PCNT: variants seen among roughly 807,000 people sequenced by gnomAD.
PCNT encodes the protein pericentrin, also known as kendrin.
A neutral mutation model predicts 380.4 loss-of-function variants in PCNT; 319 were observed. The ratio of observed to expected loss-of-function variants is 0.84; its 90% CI spans 0.77 to 0.92. The LOEUF is 0.92. Ranked by LOEUF, PCNT falls within the 40% of genes least tolerant of loss-of-function variation. The probability of loss-of-function intolerance (pLI) is 0.00; values close to 1 mark genes in which losing one functional copy is unlikely to be tolerated. For synonymous variants in PCNT, 1,845 were observed against 1,735.2 expected (o/e 1.06, Z -1.57); for missense variants, 4,400 against 4,255.3 (o/e 1.03, Z -0.95).
rs567887945 is a variant in PCNT at position 46,372,292 on chromosome 21, A to G, written c.3165+5153A>G. Among the ~76,000 whole-genome samples the G allele has an allele frequency of 2.8e-5, 4 of 144,634 alleles. No individual in the cohort carries two copies. In the South Asian group the frequency reaches 6.3e-4, roughly 23 times the overall value. The allele number at this position is 144,634 out of a possible 152,430, so 94.9% of individuals were successfully genotyped here. The stretch of plus-strand genomic sequence containing the variant: ...TAGCACATGCATGCACACAGCACAT[A>G]CACATAGCAGATGTGCACACAGCAC... On this transcript the variant is annotated intron_variant, in intron 15 of 46. Transcript: ENST00000359568.
At chr21:46,352,949 G>A (rs1377715577) in intron 9 of PCNT, among the ~76,000 whole-genome samples, 155 bp from the exon 10 acceptor site, 10 of 152,224 alleles carry the variant, frequency 6.6e-5, no homozygotes, top group Non-Finnish European at 1.2e-4. Flanking sequence ...GCGTACGAGA[G>A]TCTAAGCCGT....
chr21:46,328,812 C>T (rs2083469951), intron 2 of PCNT, among the ~76,000 whole-genome samples: 1 of 144,836 alleles, frequency 6.9e-6, no homozygotes, highest in Non-Finnish European at 1.5e-5. Flanking sequence ...CTCACTCTGT[C>T]ATCCAGGCTG....
At chr21:46,423,091 G>A (rs1282778976) in intron 32 of PCNT, among the ~76,000 whole-genome samples, 3 of 151,942 alleles carry the variant, frequency 2.0e-5, no homozygotes, top group Non-Finnish European at 2.9e-5. Flanking sequence ...TGTCAGAACT[G>A]AGTCAGTTAA....
At chr21:46,368,686 A>T (rs904287554) in intron 15 of PCNT, among the ~76,000 whole-genome samples, 1 of 152,224 alleles carries the variant, frequency 6.6e-6, no homozygotes, top group Non-Finnish European at 1.5e-5. Flanking sequence ...TCTGTTGAGC[A>T]TGTGGAGCCA....
At position 46,334,736 on chromosome 21, in the gene PCNT, C is replaced by T. The variant is rs1458113272; in HGVS notation, c.607C>T (p.His203Tyr). The change falls in exon 3 of 47, where the codon CAC becomes TAC. Residue 203 changes from histidine (H) to tyrosine (Y), a missense_variant. His to Tyr is a moderately conservative substitution (Grantham distance 83, BLOSUM62 2). Transcript: ENST00000359568. ...EQRGIFTISD[H>Y]PAEQRGMFTK... ...GCGTGGGATCTTCACAATCAGTGAC[C>T]ACCCAGCAGAACAGCGTGGGATGTT... is the stretch of plus-strand genomic sequence containing the variant. The T allele has an allele frequency of 3.1e-6, 5 of 1,614,002 alleles. No individual in the cohort carries two copies. The highest frequency in any genetic ancestry group is 2.7e-5 in the African/African-American group (2 of 75,062).
At chr21:46,328,483 T>G (rs1359000499) in intron 2 of PCNT, among the ~76,000 whole-genome samples, 2 of 151,724 alleles carry the variant, frequency 1.3e-5, no homozygotes, top group Non-Finnish European at 2.9e-5. Flanking sequence ...TTTTTTGAAA[T>G]GGAGTCTCAC....
intron 3 of PCNT, among the ~76,000 whole-genome samples, chr21:46,339,965 T>C (rs957100974): frequency 3.3e-5 from 5 of 152,124 alleles, no homozygotes; most frequent in African/African-American, 1.2e-4. Context: ...CTCCATTAAG[T>C]TTTAGAGTTC....
At position 46,324,271 on chromosome 21, in the gene PCNT, G is replaced by A; in HGVS notation, c.43G>A (p.Gly15Arg). The change falls in exon 1 of 47, where the codon GGG becomes AGG. Residue 15 changes from glycine (G) to arginine (R), a missense_variant. Coordinates refer to ENST00000359568, the MANE Select transcript of PCNT (RefSeq NM_006031.6). ...GCAGCGGCGCAGAAAGGTGGAGGCCGGGAGGACGAAGGTAAACATTAGGGG... is the reference window on the plus strand; with the variant it reads ...GCAGCGGCGCAGAAAGGTGGAGGCCAGGAGGACGAAGGTAAACATTAGGGG... ...QEQRRRKVEA[G>R]RTKLAHFRQR... 6.2e-7 allele frequency: 1 copy of A among 1,611,336 alleles called. No homozygotes were observed. Among genetic ancestry groups the A allele is most frequent in the Admixed American group, 1.7e-5 (1 of 59,736 alleles).
At chr21:46,405,423 A>G (rs2086593918) in intron 27 of PCNT, among the ~76,000 whole-genome samples, 1 of 152,122 alleles carries the variant, frequency 6.6e-6, no homozygotes, top group Non-Finnish European at 1.5e-5. Context: ...TATGGCCAGG[A>G]GCGGTGGCTC....
intron 25 of PCNT, among the ~76,000 whole-genome samples, chr21:46,400,962 G>A (rs2086406204): frequency 6.6e-6 from 1 of 152,186 alleles, no homozygotes; most frequent in Non-Finnish European, 1.5e-5. Context: ...CCCCTGGCCG[G>A]CCACTGCACA....
rs578148816 is a variant in PCNT at position 46,424,517 on chromosome 21, C to T, written c.7180-1314C>T. 4.6e-5 allele frequency among the ~76,000 whole-genome samples: 7 copies of T among 152,378 alleles called. No individual in the cohort carries two copies. The South Asian group carries it at 8.3e-4, about 18-fold the overall frequency. On this transcript the variant is annotated intron_variant, in intron 32 of 46. Coordinates refer to ENST00000359568, the MANE Select transcript of PCNT (RefSeq NM_006031.6). ...CCTGCAAGGGCCCCGTGTCACCTGG[C>T]GGGAAGCTGTGGCCCAGGGCCTCTG...
Position 46,391,480 on chromosome 21 carries a change from A to G in PCNT, c.4216+104A>G. Reference sequence around the variant, plus strand: ...GACACTCAGTGTCTCTAGAGGGTCAAGTGTAAACCAGCACGCAGCTTCTCC... The same window carrying G: ...GACACTCAGTGTCTCTAGAGGGTCAGGTGTAAACCAGCACGCAGCTTCTCC... On this transcript the variant is annotated intron_variant, in intron 21 of 46. Transcript: ENST00000359568. 1.1e-5 allele frequency: 10 copies of G among 914,666 alleles called. No homozygotes were observed. The South Asian group carries it at 1.7e-4, about 15-fold the overall frequency. The allele number at this position is 914,666 out of a possible 1,614,324, so 56.7% of individuals were successfully genotyped here. A position where few individuals can be genotyped will look rare whatever the true frequency, so the allele number is the denominator to read the frequency against.
Position 46,436,983 on chromosome 21 carries a change from G to A in PCNT, c.9001G>A (p.Val3001Ile). Residue 3001 changes from valine to isoleucine, a missense_variant, in exon 40 of 47, where the codon GTT becomes ATT. Physicochemically the swap from Val to Ile is conservative, Grantham distance 29. Coordinates refer to ENST00000359568, the MANE Select transcript of PCNT (RefSeq NM_006031.6). ...SFTSQAVDRT[V>I]NDWTSSNEKA... ...AGTGCCCATTTATTTTTACAGGACAGTTAATGATTGGACGTCATCCAATGA... is the reference window on the plus strand; with the variant it reads ...AGTGCCCATTTATTTTTACAGGACAATTAATGATTGGACGTCATCCAATGA... 1.9e-6 allele frequency: 3 copies of A among 1,612,394 alleles called. No individual in the cohort carries two copies. Among genetic ancestry groups the A allele is most frequent in the Non-Finnish European group, 2.5e-6 (3 of 1,178,388 alleles).
rs559407331 is a variant in PCNT, at chr21:46,371,782, G to A, written c.3165+4643G>A. On this transcript the variant is annotated intron_variant, in intron 15 of 46. Transcript: ENST00000359568. ...CTGCTGGTCTGCATGATGAGCACACGCACACACAGCACATGTGCACACACA... is the reference window on the plus strand; with the variant it reads ...CTGCTGGTCTGCATGATGAGCACACACACACACAGCACATGTGCACACACA... 1.2e-3 allele frequency among the ~76,000 whole-genome samples: 179 copies of A among 151,986 alleles called. 1 individual carries two copies. Among genetic ancestry groups the A allele is most frequent in the Admixed American group, 2.4e-3 (36 of 15,256 alleles).
intron 13 of PCNT, among the ~76,000 whole-genome samples, chr21:46,359,873 C>CT (rs1378125816): frequency 1.7e-4 from 23 of 135,552 alleles, no homozygotes; most frequent in African/African-American, 4.6e-4. Flanking sequence ...TTTTTTTTTT[C>CT]TTTTTTTTTG....
At chr21:46,436,808 C>T (rs576503339) in intron 39 of PCNT, among the ~76,000 whole-genome samples, 171 bp from the exon 40 acceptor site, 4 of 152,324 alleles carry the variant, frequency 2.6e-5, no homozygotes, top group Admixed American at 2.6e-4. Context: ...CAGCCACAGG[C>T]CTGTTGCCCC....
rs1569312659 is a variant in PCNT, at chr21:46,441,145, C to T, written c.9623+61C>T. The T allele has an allele frequency of 8.6e-6, 9 of 1,040,570 alleles. No individual in the cohort carries two copies. The South Asian group carries it at 1.1e-4, about 13-fold the overall frequency. 64.5% of individuals were successfully genotyped at this position (1,040,570 alleles called of 1,614,324 possible). A position where few individuals can be genotyped will look rare whatever the true frequency, so the allele number is the denominator to read the frequency against. On this transcript the variant is annotated intron_variant, in intron 43 of 46. Transcript: ENST00000359568. Reference sequence around the variant, plus strand: ...TCTGTCTCCGTGAGTGGGCAGCACACTGCATGGTTTTTTGGTCATTTTATT... The same window carrying T: ...TCTGTCTCCGTGAGTGGGCAGCACATTGCATGGTTTTTTGGTCATTTTATT...
At position 46,378,779 on chromosome 21, in the gene PCNT, A is replaced by G. The variant is rs563707088; in HGVS notation, c.3166-2915A>G. On this transcript the variant is annotated intron_variant, in intron 15 of 46. Transcript: ENST00000359568. ...TAACAATCTGGTTTGGATTAATACC[A>G]ACTTAATTTTAAAAGTTTACAAAAC... Among the ~76,000 whole-genome samples, 6 of 152,366 alleles carry G rather than the reference A, an allele frequency of 3.9e-5. No individual in the cohort carries two copies. The South Asian group carries it at 1.2e-3, about 32-fold the overall frequency.
At position 46,411,597 on chromosome 21, in the gene PCNT, G is replaced by A. The variant is rs768601768; in HGVS notation, c.5524G>A (p.Val1842Ile). ...ACAGCTGGCTGAGCTGGAGCGCAAT[G>A]TAGCCCTCAGGGAGGCTGAGGTCGA... is the stretch of plus-strand genomic sequence containing the variant. ...ELQLAELERN[V>I]ALREAEVEDM... Residue 1842 changes from valine (V) to isoleucine (I), a missense_variant, in exon 28 of 47, where the codon GTA becomes ATA. Val to Ile is a conservative substitution (Grantham distance 29, BLOSUM62 3). Transcript: ENST00000359568. 1.9e-6 allele frequency: 3 copies of A among 1,613,054 alleles called. No homozygotes were observed. Among genetic ancestry groups the A allele is most frequent in the South Asian group, 1.1e-5 (1 of 91,082 alleles).
Sources: allele counts gnomAD v4.1 joint callset (sites outside exome capture counted in the v4.1 genomes callset), GRCh38; gene constraint gnomAD v4.1.1; transcripts MANE v1.5; gene names NCBI Gene and HGNC (gene_info 2026-07-23, HGNC 2026-07-21).